The following SND1 variants were observed in gnomAD, a reference collection of about 807,000 sequenced individuals.
SND1 encodes the protein staphylococcal nuclease domain-containing protein 1.
In SND1, 38 loss-of-function variants were observed where a neutral mutation model predicts 121.7. The observed-to-expected ratio is 0.31, with a 90% CI of 0.24 to 0.41. The LOEUF is 0.41. Among genes scored for constraint, SND1 ranks in the 10% least tolerant of loss-of-function variants. The pLI, the probability that SND1 is intolerant of heterozygous loss-of-function variation, is 1.00. For missense variants in SND1, 868 were observed against 1,184.6 expected (o/e 0.73, Z 3.92); for synonymous variants, 401 against 447.4 (o/e 0.90, Z 1.31).
chr7:128,000,668 A>G (rs751783010), intron 16 of SND1, among the ~76,000 whole-genome samples: 1 of 152,086 alleles, frequency 6.6e-6, no homozygotes, highest in Admixed American at 6.5e-5. Context: ...TGCACCTGGC[A>G]AGTGAACTTT....
At chr7:127,919,408 T>C (rs1292235146) in intron 14 of SND1, among the ~76,000 whole-genome samples, 1 of 152,256 alleles carries the variant, frequency 6.6e-6, no homozygotes, top group Non-Finnish European at 1.5e-5. Context: ...TTTTTTACTC[T>C]GCACATTTTA....
At chr7:128,090,290 T>C (rs1472484238) in intron 22 of SND1, among the ~76,000 whole-genome samples, 1 of 152,212 alleles carries the variant, frequency 6.6e-6, no homozygotes, top group Non-Finnish European at 1.5e-5. Flanking sequence ...TGACAATCAG[T>C]GCGCTCGTAC....
intron 15 of SND1, among the ~76,000 whole-genome samples, chr7:127,971,771 A>ATTTT (rs200086577): frequency 6.4e-5 from 9 of 141,118 alleles, no homozygotes; most frequent in Middle Eastern, 3.7e-3. Flanking sequence ...TGCTGAATTA[A>ATTTT]TTTTTTTTTT....
intron 12 of SND1, among the ~76,000 whole-genome samples, chr7:127,858,823 AT>A (rs1799329720): frequency 6.6e-6 from 1 of 152,220 alleles, no homozygotes; most frequent in South Asian, 2.1e-4. Flanking sequence ...GAATGATTAG[AT>A]TTGGTAGAAG....
chr7:127,727,815 ATCT>A (rs1036089690), intron 10 of SND1, among the ~76,000 whole-genome samples: 28 of 152,232 alleles, frequency 1.8e-4, no homozygotes, highest in African/African-American at 5.3e-4. Flanking sequence ...AACACTTGAA[ATCT>A]TCTTTGTTAG....
At chr7:127,860,600 G>C (rs562482859) in intron 12 of SND1, among the ~76,000 whole-genome samples, 2 of 152,156 alleles carry the variant, frequency 1.3e-5, no homozygotes. Context: ...GACCTGTAAG[G>C]TTCCTTTTAA....
At chr7:127,674,640 G>T (rs1795585212) in intron 1 of SND1, among the ~76,000 whole-genome samples, 1 of 152,208 alleles carries the variant, frequency 6.6e-6, no homozygotes, top group Non-Finnish European at 1.5e-5. Flanking sequence ...TTAGCCATAG[G>T]ATTAGTCACC....
chr7:127,825,012 C>T (rs561508643), intron 11 of SND1, among the ~76,000 whole-genome samples: 3 of 152,292 alleles, frequency 2.0e-5, no homozygotes, highest in Admixed American at 6.5e-5. Context: ...TACAAGCCAG[C>T]TGGAGAATTA....
At chr7:127,662,890 C>CTTTT (rs34629378) in intron 1 of SND1, among the ~76,000 whole-genome samples, 3 of 122,522 alleles carry the variant, frequency 2.4e-5, no homozygotes, top group Non-Finnish European at 1.7e-5. Context: ...CCTCTTTTAT[C>CTTTT]TTTTTTTTTT....
chr7:127,959,221 G>A (rs1436908472), intron 15 of SND1, among the ~76,000 whole-genome samples: 8 of 152,220 alleles, frequency 5.3e-5, no homozygotes, highest in South Asian at 2.1e-4. Flanking sequence ...ATAGCTAGAC[G>A]TCCGCTGGCA....
At position 127,701,295 on chromosome 7, in the gene SND1, G is replaced by C. The variant is rs774259754; in HGVS notation, c.561G>C (p.Val187=). Residue 187 remains valine (V), a synonymous_variant, in exon 5 of 24, where the codon GTG becomes GTC. Transcript: ENST00000354725. The part of the protein sequence containing the change: ...KYTIENPRHF[V]DSHHQKPVNA... Reference sequence around the variant, plus strand: ...CCATTGAAAACCCAAGGCACTTTGTGGACTCACACCACCAGAAGCCTGTTA... The same window carrying C: ...CCATTGAAAACCCAAGGCACTTTGTCGACTCACACCACCAGAAGCCTGTTA... 2.2e-5 allele frequency: 36 copies of C among 1,613,944 alleles called. No individual in the cohort carries two copies. Among genetic ancestry groups the C allele is most frequent in the Non-Finnish European group, 3.1e-5 (36 of 1,179,940 alleles).
intron 1 of SND1, chr7:127,679,144 C>T (rs949589154): frequency 2.0e-5 from 3 of 152,170 alleles, no homozygotes; most frequent in African/African-American, 7.2e-5. Flanking sequence ...TGTATTGCTT[C>T]TGGCCATTTT....
At chr7:127,836,367 G>A (rs557924973) in intron 11 of SND1, among the ~76,000 whole-genome samples, 1 of 152,148 alleles carries the variant, frequency 6.6e-6, no homozygotes, top group Non-Finnish European at 1.5e-5. Flanking sequence ...AGATGGGAGA[G>A]AGCAGCATAA....
chr7:128,067,387 G>A (rs1197996364), intron 16 of SND1, among the ~76,000 whole-genome samples: 1 of 152,228 alleles, frequency 6.6e-6, no homozygotes, highest in Non-Finnish European at 1.5e-5. Flanking sequence ...ACATGGAAAT[G>A]ATGGAGAATT....
At chr7:127,903,267 G>A (rs1800272363) in intron 13 of SND1, among the ~76,000 whole-genome samples, 1 of 151,934 alleles carries the variant, frequency 6.6e-6, no homozygotes, top group East Asian at 1.9e-4. Flanking sequence ...CAAGTGATCT[G>A]CCCGCCTTGG....
At chr7:127,701,393 A>G (rs1037561955) in intron 5 of SND1, 70 bp downstream of exon 5, 1 of 1,508,268 alleles carries the variant, frequency 6.6e-7, no homozygotes, top group African/African-American at 1.4e-5. Flanking sequence ...TTGCTTCTTG[A>G]GGTTTGTAAA....
At chr7:127,882,414 A>C (rs1799809299) in intron 12 of SND1, among the ~76,000 whole-genome samples, 1 of 93,738 alleles carries the variant, frequency 1.1e-5, no homozygotes, top group African/African-American at 4.0e-5. Context: ...GACGGAGGAG[A>C]AAAGAGGAGA....
chr7:128,028,759 G>C lies in SND1; in HGVS notation c.1779+37703G>C, dbSNP rs775497533. The C allele has an allele frequency of 2.5e-6, 4 of 1,613,912 alleles. No homozygotes were observed. The South Asian group carries it at 4.4e-5, about 18-fold the overall frequency. On this transcript the variant is annotated intron_variant, in intron 16 of 23. Transcript: ENST00000354725. ...TCAGAGATAGTGGTGACTGTGGGGT[G>C]CAGAGAGTTCCCCAGGCTGTTTTCT...
chr7:127,928,366 A>G (rs1292587125), intron 14 of SND1, among the ~76,000 whole-genome samples: 2 of 152,140 alleles, frequency 1.3e-5, no homozygotes, highest in East Asian at 1.9e-4. Flanking sequence ...GAGTTGCTGT[A>G]CTAGTGCCTG....
Sources: allele counts gnomAD v4.1 joint callset (sites outside exome capture counted in the v4.1 genomes callset), GRCh38; gene constraint gnomAD v4.1.1; transcripts MANE v1.5; gene names NCBI Gene and HGNC (gene_info 2026-07-23, HGNC 2026-07-21).